Variants in BRSK2 observed in about 807,000 individuals in gnomAD.
BRSK2 encodes the protein BR serine/threonine kinase 2, also known as serine/threonine-protein kinase BRSK2.
BRSK2 carries 19 observed loss-of-function variants against 83.3 expected under a neutral mutation model. That is an observed-to-expected ratio of 0.23 (90% CI 0.16 to 0.33). BRSK2 has a LOEUF of 0.33. Ranked by LOEUF, BRSK2 falls within the 10% of genes least tolerant of loss-of-function variation. The pLI is 1.00. For missense variants in BRSK2, 798 were observed against 1,042.3 expected (o/e 0.77, Z 3.23); for synonymous variants, 519 against 435.4 (o/e 1.19, Z -2.39).
intron 8 of BRSK2, among the ~76,000 whole-genome samples, chr11:1,444,726 TCTCTC>T (rs1243159643): frequency 6.6e-6 from 1 of 150,456 alleles, no homozygotes; most frequent in Non-Finnish European, 1.5e-5. Flanking sequence ...TCCCCCGACT[TCTCTC>T]CTCCTTGAGG....
At chr11:1,433,993 C>T (rs1287289707) in intron 1 of BRSK2, among the ~76,000 whole-genome samples, 1 of 152,196 alleles carries the variant, frequency 6.6e-6, no homozygotes, top group Non-Finnish European at 1.5e-5. Context: ...ACGGAAAGGG[C>T]AAAATAAAGC....
At chr11:1,421,215 AG>A (rs1848604459) in intron 1 of BRSK2, among the ~76,000 whole-genome samples, 1 of 152,160 alleles carries the variant, frequency 6.6e-6, no homozygotes, top group Non-Finnish European at 1.5e-5. Context: ...TTCACCCCCC[AG>A]GACGGGGTGT....
At chr11:1,436,009 G>A (rs1273033375) in intron 1 of BRSK2, 31 bp from the exon 2 acceptor site, 3 of 1,560,894 alleles carry the variant, frequency 1.9e-6, no homozygotes, top group Non-Finnish European at 2.6e-6. Context: ...CACCCTGGGT[G>A]GGTCTGAGCG....
Position 1,460,990 on chromosome 11 carries a change from CAT to C in BRSK2, c.*268_*269del, listed in dbSNP as rs764194451. 4 of 1,612,260 alleles carry C rather than the reference CAT, an allele frequency of 2.5e-6. No homozygotes were observed. The highest frequency in any genetic ancestry group is 1.3e-5 in the African/African-American group (1 of 74,884). On this transcript the variant is annotated 3_prime_UTR_variant, in exon 20 of 20. Transcript: ENST00000528841. Reference sequence around the variant, plus strand: ...ACCAGGAATTATCCCGAAAAGTTAACATGTCACCTCCACGAGGCCATCCTCTG... The same window carrying C: ...ACCAGGAATTATCCCGAAAAGTTAACGTCACCTCCACGAGGCCATCCTCTG...
Position 1,448,041 on chromosome 11 carries a change from G to A in BRSK2, c.1227-1735G>A, listed in dbSNP as rs537182612. Reference sequence around the variant, plus strand: ...CGGGCCAGGCAGAGGCCGAGGAGGGGTGGGGCTGCTGAGGCGTGGCCCACG... The same window carrying A: ...CGGGCCAGGCAGAGGCCGAGGAGGGATGGGGCTGCTGAGGCGTGGCCCACG... On this transcript the variant is annotated intron_variant, in intron 12 of 19. Coordinates refer to ENST00000528841, the MANE Select transcript of BRSK2 (RefSeq NM_001256627.2). Among the ~76,000 whole-genome samples the A allele has an allele frequency of 1.8e-4, 28 of 152,286 alleles. No homozygotes were observed. In the South Asian group the frequency reaches 5.6e-3, roughly 30 times the overall value.
At chr11:1,458,540 T>G (rs1846948612) in intron 18 of BRSK2, among the ~76,000 whole-genome samples, 1 of 152,018 alleles carries the variant, frequency 6.6e-6, no homozygotes, top group African/African-American at 2.4e-5. Context: ...GCAGGGGGCC[T>G]CCTCAGACAC....
intron 19 of BRSK2, 88 bp from the exon 20 acceptor site, chr11:1,460,412 C>T (rs1653319736): frequency 3.8e-6 from 3 of 794,236 alleles, no homozygotes; most frequent in Admixed American, 8.0e-5. Context: ...TTCTCTTTCT[C>T]TCTCCTTCCC....
At position 1,396,180 on chromosome 11, in the gene BRSK2, T is replaced by TGGTCCCTCTTCCCTTCCACCCA. The variant is rs1437257092; in HGVS notation, c.91+5805_91+5806insGGTCCCTCTTCCCTTCCACCCA. On this transcript the variant is annotated intron_variant, in intron 1 of 19. Transcript: ENST00000528841. ...TGTGGACCCCTGCGTCCCCCGCTCC[T>TGGTCCCTCTTCCCTTCCACCCA]CGTCTCTCTTCCCTTCCACCCACGT... Among the ~76,000 whole-genome samples, 30 of 145,150 alleles carry TGGTCCCTCTTCCCTTCCACCCA rather than the reference T, an allele frequency of 2.1e-4. 5 individuals are homozygous for TGGTCCCTCTTCCCTTCCACCCA. Among genetic ancestry groups the TGGTCCCTCTTCCCTTCCACCCA allele is most frequent in the Admixed American group, 2.9e-4 (4 of 13,822 alleles).
chr11:1,404,888 G>A (rs971464067), intron 1 of BRSK2, among the ~76,000 whole-genome samples: 3 of 152,088 alleles, frequency 2.0e-5, no homozygotes, highest in Non-Finnish European at 2.9e-5. Context: ...GTGGGAGGGT[G>A]GCCGCAGGGC....
chr11:1,424,431 A>C (rs1848973003), intron 1 of BRSK2, among the ~76,000 whole-genome samples: 1 of 152,214 alleles, frequency 6.6e-6, no homozygotes, highest in Non-Finnish European at 1.5e-5. Context: ...CTGCCCTCAG[A>C]ATCCCTCCAG....
intron 12 of BRSK2, 44 bp from the exon 13 acceptor site, chr11:1,449,732 C>T (rs375653089): frequency 1.5e-4 from 236 of 1,570,540 alleles, no homozygotes; most frequent in Non-Finnish European, 2.0e-4. Context: ...TGCTGCTCCA[C>T]TGCCCCCTGG....
chr11:1,455,685 C>CCACAGGCTG (rs1428317699), intron 16 of BRSK2, among the ~76,000 whole-genome samples: 15 of 152,178 alleles, frequency 9.9e-5, no homozygotes, highest in African/African-American at 1.4e-4. Context: ...ACTTCCTCGG[C>CCACAGGCTG]CTCCTCCCTC....
At chr11:1,403,258 G>A (rs1245631479) in intron 1 of BRSK2, among the ~76,000 whole-genome samples, 3 of 152,184 alleles carry the variant, frequency 2.0e-5, no homozygotes, top group Admixed American at 1.3e-4. Context: ...TGGAGGGAAC[G>A]TGGCAGTTGT....
intron 12 of BRSK2, 55 bp from the exon 13 acceptor site, chr11:1,449,721 C>T (rs1278427616): frequency 6.7e-7 from 1 of 1,497,440 alleles, no homozygotes; most frequent in Non-Finnish European, 9.2e-7. Flanking sequence ...AGCCCAGCAC[C>T]TGCTGCTCCA....
At chr11:1,460,461 C>CT (rs398015179) in intron 19 of BRSK2, 39 bp from the exon 20 acceptor site, 6,860 of 542,272 alleles carry the variant, frequency 0.013, 36 homozygotes, top group African/African-American at 0.048. Context: ...TTCTTTTTTC[C>CT]TTTTTTTTTT....
intron 1 of BRSK2, among the ~76,000 whole-genome samples, chr11:1,433,663 G>A (rs1002063104): frequency 3.9e-5 from 6 of 152,244 alleles, no homozygotes; most frequent in African/African-American, 9.6e-5. Flanking sequence ...GGAGGGATGC[G>A]CTGTGGGCGC....
At chr11:1,391,844 CG>C (rs1409788406) in intron 1 of BRSK2, among the ~76,000 whole-genome samples, 1 of 152,072 alleles carries the variant, frequency 6.6e-6, no homozygotes, top group Non-Finnish European at 1.5e-5. Flanking sequence ...AATGAAGACA[CG>C]ATGAGTTATG....
chr11:1,453,517 T>G (rs572592976), intron 15 of BRSK2, among the ~76,000 whole-genome samples: 1 of 152,142 alleles, frequency 6.6e-6, no homozygotes, highest in South Asian at 2.1e-4. Context: ...CCCTCGGAGT[T>G]TTGAACCCAG....
rs2133089319 is a variant in BRSK2 at position 1,442,751 on chromosome 11, TA to T, written c.530+146del. The T allele has an allele frequency of 5.8e-6, 4 of 690,278 alleles. No homozygotes were observed. In the South Asian group the frequency reaches 6.9e-5, roughly 12 times the overall value. 42.8% of individuals were successfully genotyped at this position (690,278 alleles called of 1,614,324 possible). On this transcript the variant is annotated intron_variant, in intron 5 of 19. Transcript: ENST00000528841. ...CCCACAATGTGCCTGAGCCTCCCAG[TA>T]CCCCACAGCCTGGTGGTGGTGGGGA...
Sources: allele counts gnomAD v4.1 joint callset (sites outside exome capture counted in the v4.1 genomes callset), GRCh38; gene constraint gnomAD v4.1.1; transcripts MANE v1.5; gene names NCBI Gene and HGNC (gene_info 2026-07-23, HGNC 2026-07-21).